Variants in NFIB observed in about 807,000 individuals in gnomAD.
NFIB encodes nuclear factor I B.
NFIB carries 11 observed loss-of-function variants against 61.5 expected under a neutral mutation model. The ratio of observed to expected loss-of-function variants is 0.18; its 90% CI spans 0.11 to 0.30. The LOEUF is 0.30. NFIB is among the 10% of genes least tolerant of loss of function. The pLI is 1.00. For synonymous variants in NFIB, 260 were observed against 216.5 expected (o/e 1.20, Z -1.76); for missense variants, 471 against 608.9 (o/e 0.77, Z 2.38).
chr9:14,248,674 C>T (rs891879189), intron 2 of NFIB, among the ~76,000 whole-genome samples: 1 of 152,168 alleles, frequency 6.6e-6, no homozygotes, highest in Non-Finnish European at 1.5e-5. Context: ...CCTCCTCTAG[C>T]TCCTCTCCAA....
Position 14,389,341 on chromosome 9 carries a change from A to G in NFIB, c.108+9183T>C, listed in dbSNP as rs138925302. Among the ~76,000 whole-genome samples the G allele has an allele frequency of 1.8e-3, 269 of 152,146 alleles. 2 individuals are homozygous for G. The highest frequency in any genetic ancestry group is 6.1e-3 in the African/African-American group (255 of 41,506). ...TTTCTCCTCCCACCTTTCTGAGTCC[A>G]TCCCAACAAGCAATTCATCCAAGCA... On this transcript the variant is annotated intron_variant, in intron 1 of 8. Transcript: ENST00000380934.
At chr9:14,488,180 A>G in the NFIB span, among the ~76,000 whole-genome samples, 1 of 152,086 alleles carries the variant, frequency 6.6e-6, no homozygotes, top group Non-Finnish European at 1.5e-5. Flanking sequence ...ATTGGGCAAC[A>G]TAATGAGACT....
intron 1 of NFIB, among the ~76,000 whole-genome samples, chr9:14,355,977 A>T (rs990776520): frequency 5.2e-4 from 79 of 152,244 alleles, no homozygotes; most frequent in African/African-American, 1.7e-3. Context: ...ACAAATAAAA[A>T]AAAAAAAAAA....
At chr9:14,433,075 C>T in the NFIB span, among the ~76,000 whole-genome samples, 1 of 152,050 alleles carries the variant, frequency 6.6e-6, no homozygotes, top group East Asian at 1.9e-4. Context: ...TCTGGTGACC[C>T]CTTATTTAAA....
At chr9:14,357,210 T>G (rs992177842) in intron 1 of NFIB, 1 of 152,262 alleles carries the variant, frequency 6.6e-6, no homozygotes, top group Non-Finnish European at 1.5e-5. Context: ...ATTAACTTCA[T>G]TGGCTTCTAT....
intron 2 of NFIB, among the ~76,000 whole-genome samples, chr9:14,237,144 T>C (rs532674068): frequency 1.3e-5 from 2 of 152,306 alleles, no homozygotes; most frequent in African/African-American, 4.8e-5. Context: ...CAATTGAATT[T>C]AGCCCTAATA....
chr9:14,165,463 T>C (rs984545613), intron 3 of NFIB, among the ~76,000 whole-genome samples: 4 of 152,198 alleles, frequency 2.6e-5, no homozygotes, highest in Admixed American at 6.5e-5. Context: ...TCAGGGTTTA[T>C]TCCATGAATG....
intron 1 of NFIB, among the ~76,000 whole-genome samples, chr9:14,328,319 A>G (rs2060779476): frequency 6.6e-6 from 1 of 151,828 alleles, no homozygotes. Flanking sequence ...AATTTTTTAC[A>G]TTTTTTTGTA....
At position 14,183,405 on chromosome 9, in the gene NFIB, A is replaced by AC. The variant is rs1554665018; in HGVS notation, c.563-3626_563-3625insG. Among the ~76,000 whole-genome samples, 4 of 144,870 alleles carry AC rather than the reference A, an allele frequency of 2.8e-5. No individual in the cohort carries two copies. In the South Asian group the frequency reaches 6.6e-4, roughly 24 times the overall value. ...CTGGGTCTGGTGTCTGGGAAAAAAA[A>AC]TTTTTTTTTTTTTTTTGAGACAGAG... On this transcript the variant is annotated intron_variant, in intron 2 of 10. Coordinates refer to ENST00000380953, the MANE Select transcript of NFIB (RefSeq NM_001190737.2).
At chr9:14,091,114 T>C (rs1324888998) in intron 10 of NFIB, among the ~76,000 whole-genome samples, 2 of 151,998 alleles carry the variant, frequency 1.3e-5, no homozygotes, top group Non-Finnish European at 2.9e-5. Flanking sequence ...ATACTGTTTA[T>C]GAACCTTTGG....
chr9:14,383,887 T>A (rs2061518944), intron 1 of NFIB, among the ~76,000 whole-genome samples: 1 of 152,216 alleles, frequency 6.6e-6, no homozygotes, highest in African/African-American at 2.4e-5. Context: ...TGGGAAATCT[T>A]ACAACTGCAA....
chr9:14,164,387 C>T (rs1395301780), intron 3 of NFIB, among the ~76,000 whole-genome samples: 2 of 151,934 alleles, frequency 1.3e-5, no homozygotes, highest in East Asian at 3.9e-4. Flanking sequence ...GCATATAGCT[C>T]CTAGGCTACA....
chr9:14,272,279 G>A (rs1012240746), intron 2 of NFIB, among the ~76,000 whole-genome samples: 4 of 151,726 alleles, frequency 2.6e-5, no homozygotes, highest in Admixed American at 1.3e-4. Flanking sequence ...GCTTTTTGTC[G>A]TAATTTTAAA....
At chr9:14,250,837 C>T (rs551791013) in intron 2 of NFIB, among the ~76,000 whole-genome samples, 26 of 152,228 alleles carry the variant, frequency 1.7e-4, no homozygotes, top group African/African-American at 5.8e-4. Flanking sequence ...TGAGAAGTCA[C>T]GTTTATTCAA....
intron 2 of NFIB, among the ~76,000 whole-genome samples, chr9:14,290,109 C>T (rs556824751): frequency 6.6e-6 from 1 of 152,100 alleles, no homozygotes; most frequent in South Asian, 2.1e-4. Context: ...GAAATTTATA[C>T]AAGAATCTAT....
intron 2 of NFIB, among the ~76,000 whole-genome samples, chr9:14,231,200 C>T (rs2053156165): frequency 7.6e-6 from 1 of 132,106 alleles, no homozygotes; most frequent in South Asian, 2.6e-4. Context: ...GTTCAGATTG[C>T]TATCTAAGCA....
chr9:14,522,704 A>T, the NFIB span, among the ~76,000 whole-genome samples: 3 of 152,218 alleles, frequency 2.0e-5, no homozygotes, highest in African/African-American at 4.8e-5. Flanking sequence ...TGAGTCTCAT[A>T]TTCTTCCACC....
chr9:14,387,440 G>A (rs2061561941), intron 1 of NFIB, among the ~76,000 whole-genome samples: 1 of 152,118 alleles, frequency 6.6e-6, no homozygotes, highest in African/African-American at 2.4e-5. Flanking sequence ...GCCAGGTATT[G>A]GAGTAAAATA....
chr9:14,358,037 T>G (rs73419610), intron 1 of NFIB: 1 of 152,090 alleles, frequency 6.6e-6, no homozygotes, highest in Non-Finnish European at 1.5e-5. Context: ...GAGTTTCTTT[T>G]TAGGTTGATT....
Sources: gnomAD v4.1 joint callset for allele counts (sites outside exome capture counted in the v4.1 genomes callset) on GRCh38, gnomAD v4.1.1 for gene constraint, MANE v1.5 for transcripts, NCBI Gene and HGNC (gene_info 2026-07-23, HGNC 2026-07-21) for gene names.